Variants in NFATC3 observed in about 807,000 individuals in gnomAD.
The protein encoded by NFATC3 is nuclear factor of activated T cells 3.
Under a neutral mutation model 98.6 loss-of-function variants are expected in NFATC3, and 46 were observed. The ratio of observed to expected loss-of-function variants is 0.47; its 90% CI spans 0.37 to 0.60. The LOEUF (loss-of-function observed/expected upper bound fraction) is 0.60. Among genes scored for constraint, NFATC3 ranks in the 20% least tolerant of loss-of-function variants. NFATC3 has a pLI of 0.00. For missense variants in NFATC3, 1,256 were observed against 1,295.5 expected, an observed-to-expected ratio of 0.97 and a Z score of 0.47; for synonymous variants, 512 against 472.2, an observed-to-expected ratio of 1.08 and a Z score of -1.09.
chr16:68,091,762 A>G (rs1355801899), intron 1 of NFATC3, among the ~76,000 whole-genome samples: 1 of 152,220 alleles, frequency 6.6e-6, no homozygotes, highest in Non-Finnish European at 1.5e-5. Context: ...TAAATAAGGA[A>G]GGTGTTGTGT....
chr16:68,113,710 C>T (rs2036106509), intron 1 of NFATC3, among the ~76,000 whole-genome samples: 1 of 152,256 alleles, frequency 6.6e-6, no homozygotes, highest in African/African-American at 2.4e-5. Flanking sequence ...ACCATGACCA[C>T]CCCTACCCGT....
intron 1 of NFATC3, among the ~76,000 whole-genome samples, chr16:68,121,242 C>CTTTTTTTTTTTT (rs753615194): frequency 1.3e-4 from 13 of 102,362 alleles, no homozygotes; most frequent in South Asian, 3.1e-4. Flanking sequence ...CTTTTCTTTT[C>CTTTTTTTTTTTT]TTTTTTTTTT....
intron 1 of NFATC3, among the ~76,000 whole-genome samples, chr16:68,101,113 T>G (rs892096304): frequency 2.6e-5 from 4 of 152,160 alleles, no homozygotes; most frequent in Non-Finnish European, 5.9e-5. Flanking sequence ...GCCTAACCCA[T>G]GCTCACAAAG....
chr16:68,195,918 A>G (rs1364860717), intron 9 of NFATC3, among the ~76,000 whole-genome samples: 5 of 152,158 alleles, frequency 3.3e-5, no homozygotes, highest in African/African-American at 2.4e-5. Flanking sequence ...CAGTAGTGCA[A>G]TCTTGGCTCA....
chr16:68,218,143 C>T (rs1265649185), intron 9 of NFATC3: 1 of 545,610 alleles, frequency 1.8e-6, no homozygotes, highest in Non-Finnish European at 2.3e-6. Context: ...CTTACTGCAT[C>T]CTGGAACTCC....
At chr16:68,105,231 C>T (rs1224001564) in intron 1 of NFATC3, among the ~76,000 whole-genome samples, 1 of 151,392 alleles carries the variant, frequency 6.6e-6, no homozygotes, top group African/African-American at 2.4e-5. Context: ...GGTGGGATTA[C>T]AGGCGCCTGC....
chr16:68,163,190 C>T (rs992952500), intron 4 of NFATC3, among the ~76,000 whole-genome samples: 8 of 152,252 alleles, frequency 5.3e-5, no homozygotes, highest in Middle Eastern at 3.4e-3. Context: ...CCCCACCTTT[C>T]CCCCCTTTCT....
chr16:68,215,829 G>C (rs529851438), intron 9 of NFATC3, among the ~76,000 whole-genome samples: 1 of 148,308 alleles, frequency 6.7e-6, no homozygotes, highest in Non-Finnish European at 1.5e-5. Context: ...CCAGGTTGAC[G>C]CCATTCTCCT....
At chr16:68,138,799 T>C (rs1380067306) in intron 3 of NFATC3, 2 of 1,256,438 alleles carry the variant, frequency 1.6e-6, no homozygotes, top group African/African-American at 3.1e-5. Flanking sequence ...TGGTGGTTAG[T>C]GTGCCTTCTA....
At chr16:68,203,908 C>T (rs1374629702) in intron 9 of NFATC3, among the ~76,000 whole-genome samples, 2 of 151,938 alleles carry the variant, frequency 1.3e-5, no homozygotes, top group South Asian at 2.1e-4. Context: ...AAAAATTGGG[C>T]CAGGCACAGT....
intron 9 of NFATC3, chr16:68,209,882 C>G: frequency 4.1e-6 from 1 of 245,228 alleles, no homozygotes. Flanking sequence ...CAGTCACACT[C>G]ACTCTGGGCA....
intron 4 of NFATC3, among the ~76,000 whole-genome samples, chr16:68,159,057 C>A (rs978165404): frequency 2.6e-5 from 4 of 152,136 alleles, no homozygotes; most frequent in African/African-American, 9.7e-5. Context: ...CATGGCGAAA[C>A]CTTGTCTCTA....
chr16:68,087,197 C>A (rs1334894238), intron 1 of NFATC3, among the ~76,000 whole-genome samples: 2 of 152,218 alleles, frequency 1.3e-5, no homozygotes, highest in East Asian at 3.9e-4. Context: ...AAGAGATAAA[C>A]AGTTGATGAT....
intron 3 of NFATC3, among the ~76,000 whole-genome samples, chr16:68,145,800 A>C (rs543023789): frequency 6.6e-6 from 1 of 152,200 alleles, no homozygotes; most frequent in Non-Finnish European, 1.5e-5. Flanking sequence ...ATAAAATTGC[A>C]TAAAACTATA....
At chr16:68,224,074 G>A (rs937844424) in intron 9 of NFATC3, among the ~76,000 whole-genome samples, 6 of 142,496 alleles carry the variant, frequency 4.2e-5, no homozygotes, top group East Asian at 2.1e-4. Context: ...GTGAAACCCC[G>A]TCTCTACTAA....
At chr16:68,224,612 C>G (rs1328745348) in intron 9 of NFATC3, 1 of 126,786 alleles carries the variant, frequency 7.9e-6, no homozygotes, top group African/African-American at 3.0e-5. Context: ...GAGTCTTGCT[C>G]TGTCTCCCTG....
intron 6 of NFATC3, among the ~76,000 whole-genome samples, chr16:68,175,564 G>T (rs548625319): frequency 2.6e-5 from 4 of 152,016 alleles, no homozygotes; most frequent in Non-Finnish European, 4.4e-5. Context: ...ACTTATGAAA[G>T]ACTTTTTTTT....
intron 9 of NFATC3, among the ~76,000 whole-genome samples, chr16:68,213,383 C>G (rs1303617347): frequency 3.3e-5 from 5 of 149,668 alleles, no homozygotes; most frequent in Non-Finnish European, 7.4e-5. Context: ...CCACTGCACT[C>G]CAGCCTGGGC....
At chr16:68,149,981 T>TGA (rs2038229415) in intron 3 of NFATC3, among the ~76,000 whole-genome samples, 1 of 152,254 alleles carries the variant, frequency 6.6e-6, no homozygotes, top group South Asian at 2.1e-4. Context: ...ATTTATTAGC[T>TGA]GTTTTTCCCT....
Sources: gnomAD v4.1 joint callset for allele counts (sites outside exome capture counted in the v4.1 genomes callset) on GRCh38, gnomAD v4.1.1 for gene constraint, MANE v1.5 for transcripts, NCBI Gene and HGNC (gene_info 2026-07-23, HGNC 2026-07-21) for gene names.